Variants in ITPKB observed in about 807,000 individuals in gnomAD.
The protein encoded by ITPKB is inositol-trisphosphate 3-kinase B, also known as IP3 3-kinase B.
In ITPKB, 13 loss-of-function variants were observed where a neutral mutation model predicts 69.4. The ratio of observed to expected loss-of-function variants is 0.19; its 90% CI spans 0.12 to 0.30. ITPKB has a LOEUF of 0.30. ITPKB is among the 10% of genes least tolerant of loss of function. The pLI is 1.00. For missense variants in ITPKB, 1,240 were observed against 1,250.5 expected, an observed-to-expected ratio of 0.99 and a Z score of 0.13; for synonymous variants, 584 against 513.7, an observed-to-expected ratio of 1.14 and a Z score of -1.85.
At chr1:226,726,107 C>A (rs1657403579) in intron 2 of ITPKB, among the ~76,000 whole-genome samples, 2 of 152,164 alleles carry the variant, frequency 1.3e-5, no homozygotes. Context: ...TTTGGACTCA[C>A]AAAGACCACA....
intron 2 of ITPKB, among the ~76,000 whole-genome samples, chr1:226,697,757 T>C (rs1312312921): frequency 1.3e-5 from 2 of 152,108 alleles, no homozygotes; most frequent in Non-Finnish European, 2.9e-5. Context: ...AAATAGACAA[T>C]TCTCTAGGGT....
chr1:226,671,829 C>T (rs1420567507), intron 2 of ITPKB, among the ~76,000 whole-genome samples: 1 of 152,182 alleles, frequency 6.6e-6, no homozygotes, highest in Non-Finnish European at 1.5e-5. Context: ...CCAGCAGGAA[C>T]AGCAAAGTGG....
chr1:226,737,197 T>G lies in ITPKB; in HGVS notation c.262A>C (p.Ser88Arg). The change falls in exon 2 of 8, where the codon AGT becomes CGT. Residue 88 changes from serine to arginine, a missense_variant. Around this residue, in one of 2 missense-constraint regions of ITPKB, gnomAD observed 992 missense variants for 853.8 expected, o/e 1.16. Transcript: ENST00000429204. ...GRRRLNSSSGSGSGSSGSSVS... is the reference protein window; with the variant it reads ...GRRRLNSSSGRGSGSSGSSVS... ...CTACTGCCGCTGCTGCCGCTGCCAC[T>G]GCCGCTGCTACTATTCAGCCTGCGC... 1 of 1,587,434 alleles carries G rather than the reference T, an allele frequency of 6.3e-7. No individual in the cohort carries two copies. Among genetic ancestry groups the G allele is most frequent in the Non-Finnish European group, 8.5e-7 (1 of 1,174,786 alleles).
At chr1:226,714,343 C>A (rs1657044603) in intron 2 of ITPKB, among the ~76,000 whole-genome samples, 1 of 152,210 alleles carries the variant, frequency 6.6e-6, no homozygotes, top group Non-Finnish European at 1.5e-5. Context: ...AGGTATGTGG[C>A]ATGAGCAGAA....
intron 2 of ITPKB, among the ~76,000 whole-genome samples, chr1:226,670,249 T>G (rs1669589322): frequency 6.8e-6 from 1 of 147,172 alleles, no homozygotes; most frequent in South Asian, 2.1e-4. Flanking sequence ...GAGTAAGGTG[T>G]GATACATGCC....
intron 2 of ITPKB, among the ~76,000 whole-genome samples, chr1:226,689,519 AAGG>A (rs142619656): frequency 3.3e-5 from 5 of 150,368 alleles, no homozygotes; most frequent in African/African-American, 1.2e-4. Flanking sequence ...CGGGTGGAGA[AAGG>A]AGGAGAAGGT....
At chr1:226,710,191 T>C (rs1334227042) in intron 2 of ITPKB, among the ~76,000 whole-genome samples, 1 of 152,126 alleles carries the variant, frequency 6.6e-6, no homozygotes, top group African/African-American at 2.4e-5. Flanking sequence ...CTGGTGATAA[T>C]GTCCCTCAGA....
chr1:226,678,975 G>A (rs868708831), intron 2 of ITPKB, among the ~76,000 whole-genome samples: 6 of 152,232 alleles, frequency 3.9e-5, no homozygotes, highest in Admixed American at 3.3e-4. Context: ...GAGACCACAT[G>A]GTTGCCTAGA....
intron 2 of ITPKB, among the ~76,000 whole-genome samples, chr1:226,721,070 G>A (rs565305769): frequency 4.2e-4 from 63 of 150,930 alleles, no homozygotes; most frequent in South Asian, 4.2e-4. Flanking sequence ...TTGGCCGGGC[G>A]CAGTGGTTCA....
chr1:226,654,331 C>T (rs1433521064), intron 2 of ITPKB, among the ~76,000 whole-genome samples: 1 of 152,198 alleles, frequency 6.6e-6, no homozygotes, highest in Non-Finnish European at 1.5e-5. Context: ...CCACATTCCC[C>T]TGCAACAGAG....
chr1:226,647,944 GA>G (rs1378970269), intron 3 of ITPKB, among the ~76,000 whole-genome samples: 1 of 152,218 alleles, frequency 6.6e-6, no homozygotes, highest in Non-Finnish European at 1.5e-5. Context: ...CGAGGTAAGC[GA>G]AATGCGGGAC....
intron 2 of ITPKB, among the ~76,000 whole-genome samples, chr1:226,725,832 G>T (rs942403739): frequency 6.6e-6 from 1 of 152,202 alleles, no homozygotes; most frequent in Non-Finnish European, 1.5e-5. Flanking sequence ...AAACCGGGGC[G>T]TTATCCAGAA....
chr1:226,679,460 A>G lies in ITPKB; in HGVS notation c.1933-30689T>C, dbSNP rs367702002. Among the ~76,000 whole-genome samples the G allele has an allele frequency of 2.6e-5, 4 of 152,364 alleles. No individual in the cohort carries two copies. The East Asian group carries it at 7.7e-4, about 29-fold the overall frequency. ...TTGTGTCACTTCTGTCTCAGTCCAGAAAGTGGAAAGATTAACCACATAAAC... is the reference window on the plus strand; with the variant it reads ...TTGTGTCACTTCTGTCTCAGTCCAGGAAGTGGAAAGATTAACCACATAAAC... On this transcript the variant is annotated intron_variant, in intron 2 of 7. Coordinates refer to ENST00000429204, the MANE Select transcript of ITPKB (RefSeq NM_002221.4).
At chr1:226,728,081 G>A (rs1160679311) in intron 2 of ITPKB, among the ~76,000 whole-genome samples, 4 of 151,690 alleles carry the variant, frequency 2.6e-5, no homozygotes, top group African/African-American at 7.3e-5. Flanking sequence ...TCAAAGATGG[G>A]GAAAAAAAAC....
At chr1:226,698,460 T>C (rs573607583) in intron 2 of ITPKB, among the ~76,000 whole-genome samples, 34 of 152,336 alleles carry the variant, frequency 2.2e-4, no homozygotes, top group Admixed American at 1.8e-3. Flanking sequence ...GGAAAGTGTG[T>C]GCCTTCACGT....
At chr1:226,694,350 A>G (rs894567156) in intron 2 of ITPKB, among the ~76,000 whole-genome samples, 3 of 152,220 alleles carry the variant, frequency 2.0e-5, no homozygotes, top group Non-Finnish European at 4.4e-5. Context: ...CCTTAAGAAC[A>G]TTGGAAATTG....
At chr1:226,699,079 C>T (rs941821216) in intron 2 of ITPKB, among the ~76,000 whole-genome samples, 1 of 152,236 alleles carries the variant, frequency 6.6e-6, no homozygotes, top group Non-Finnish European at 1.5e-5. Context: ...CACTACCTCT[C>T]ATAAGGAAGC....
chr1:226,674,956 G>T (rs1016671522), intron 2 of ITPKB: 1 of 152,158 alleles, frequency 6.6e-6, no homozygotes, highest in Non-Finnish European at 1.5e-5. Flanking sequence ...TGCTGCCTCC[G>T]ACCCAGTTCC....
At position 226,635,369 on chromosome 1, in the gene ITPKB, C is replaced by T. The variant is rs558896594; in HGVS notation, c.2626-483G>A. 2.0e-5 allele frequency among the ~76,000 whole-genome samples: 3 copies of T among 152,238 alleles called. No homozygotes were observed. The South Asian group carries it at 6.2e-4, about 32-fold the overall frequency. ...CCGAGTAGTTGGGACTACAGGCATG[C>T]ACCACGATGCCCGGCTAACTTTTTG... On this transcript the variant is annotated intron_variant, in intron 7 of 7. Coordinates refer to ENST00000429204, the MANE Select transcript of ITPKB (RefSeq NM_002221.4).
Sources: allele counts gnomAD v4.1 joint callset (sites outside exome capture counted in the v4.1 genomes callset), GRCh38; gene constraint gnomAD v4.1.1; regional missense constraint gnomAD v4.1.1; transcripts MANE v1.5; gene names NCBI Gene and HGNC (gene_info 2026-07-23, HGNC 2026-07-21).